PCTP: variants seen among roughly 807,000 people sequenced by gnomAD.
The protein encoded by PCTP is START domain-containing protein 2.
A neutral mutation model predicts 31.0 loss-of-function variants in PCTP; 27 were observed. That is an observed-to-expected ratio of 0.87 (90% CI 0.64 to 1.20). PCTP has a LOEUF of 1.20. Among genes scored for constraint, PCTP ranks in the 50% most tolerant of loss-of-function variants. The probability of loss-of-function intolerance (pLI) is 0.00; values close to 1 mark genes in which losing one functional copy is unlikely to be tolerated. For missense variants in PCTP, 287 were observed against 268.2 expected, an observed-to-expected ratio of 1.07 and a Z score of -0.49; for synonymous variants, 108 against 101.2, an observed-to-expected ratio of 1.07 and a Z score of -0.40.
At chr17:55,824,142 T>C (rs1032364199), downstream of PCTP, among the ~76,000 whole-genome samples, 6 of 152,290 alleles carry the variant, frequency 3.9e-5, no homozygotes, top group African/African-American at 1.4e-4. Flanking sequence ...TGTTCTCTTT[T>C]TAATCCAACC....
chr17:55,847,298 GACCAGTC>G (rs1425299487), downstream of PCTP, among the ~76,000 whole-genome samples: 5 of 152,298 alleles, frequency 3.3e-5, no homozygotes, highest in African/African-American at 9.6e-5. Flanking sequence ...AATCTGACAT[GACCAGTC>G]ACCTGATGTG....
At chr17:55,792,569 T>G (rs1413518019) in intron 3 of PCTP, among the ~76,000 whole-genome samples, 4 of 152,102 alleles carry the variant, frequency 2.6e-5, no homozygotes. Context: ...CTATCCCTAG[T>G]GTATGGGACT....
chr17:55,824,247 G>A (rs1053913678), downstream of PCTP, among the ~76,000 whole-genome samples: 6 of 151,944 alleles, frequency 3.9e-5, no homozygotes, highest in East Asian at 1.9e-4. Flanking sequence ...AAAGACCTCC[G>A]AGAGTGTACC....
downstream of PCTP, among the ~76,000 whole-genome samples, chr17:55,779,820 G>A (rs1911495150): frequency 6.6e-6 from 1 of 152,100 alleles, no homozygotes; most frequent in African/African-American, 2.4e-5. Flanking sequence ...CTTAAATCAA[G>A]TTTCCAAAGT....
Position 55,776,331 on chromosome 17 carries a change from T to TC in PCTP, c.*237dup, listed in dbSNP as rs1321267478. The TC allele has an allele frequency of 1.5e-6, 2 of 1,354,374 alleles. No homozygotes were observed. The highest frequency in any genetic ancestry group is 1.9e-6 in the Non-Finnish European group (2 of 1,057,348). 83.9% of individuals were successfully genotyped at this position (1,354,374 alleles called of 1,614,324 possible). A position where few individuals can be genotyped will look rare whatever the true frequency, so the allele number is the denominator to read the frequency against. Reference sequence around the variant, plus strand: ...CTCACTCGTCTGCTTCCTTTCTCGCTCCCCCCATCCTGGGCTGGGCTGCCT... The same window carrying TC: ...CTCACTCGTCTGCTTCCTTTCTCGCTCCCCCCCATCCTGGGCTGGGCTGCCT... On this transcript the variant is annotated 3_prime_UTR_variant, in exon 6 of 6. Coordinates refer to ENST00000268896, the MANE Select transcript of PCTP (RefSeq NM_021213.4).
intron 1 of PCTP, among the ~76,000 whole-genome samples, chr17:55,759,365 G>T (rs1203985723): frequency 6.6e-6 from 1 of 152,180 alleles, no homozygotes; most frequent in Non-Finnish European, 1.5e-5. Context: ...TGAAGGATTA[G>T]ACCTATCACA....
At chr17:55,781,212 T>C, downstream of PCTP, among the ~76,000 whole-genome samples, 1 of 152,234 alleles carries the variant, frequency 6.6e-6, no homozygotes, top group Admixed American at 6.5e-5. Context: ...GATCAATAAA[T>C]GTTGGCTGTT....
chr17:55,830,558 A>G (rs1344428832), intron 5 of PCTP, among the ~76,000 whole-genome samples: 1 of 152,226 alleles, frequency 6.6e-6, no homozygotes, highest in Non-Finnish European at 1.5e-5. Flanking sequence ...GACAGGAAAA[A>G]TAACATCGTT....
intron 3 of PCTP, among the ~76,000 whole-genome samples, chr17:55,792,471 A>G (rs1420995635): frequency 6.6e-6 from 1 of 151,920 alleles, no homozygotes; most frequent in Non-Finnish European, 1.5e-5. Context: ...CCACAGAAAA[A>G]TAAAATAAAA....
chr17:55,770,998 G>A (rs576735934), intron 2 of PCTP, 108 bp from the exon 3 acceptor site: 4 of 788,056 alleles, frequency 5.1e-6, no homozygotes, highest in Non-Finnish European at 8.7e-6. Context: ...CTCAAAAAGT[G>A]CTGGGATTAC....
intron 3 of PCTP, among the ~76,000 whole-genome samples, chr17:55,822,106 G>T (rs1434665802): frequency 6.6e-6 from 1 of 152,200 alleles, no homozygotes; most frequent in African/African-American, 2.4e-5. Context: ...TCCTGTTACT[G>T]TTGGCTCTGT....
At chr17:55,842,494 C>A (rs1420963324) in intron 5 of PCTP, among the ~76,000 whole-genome samples, 1 of 152,154 alleles carries the variant, frequency 6.6e-6, no homozygotes, top group South Asian at 2.1e-4. Context: ...CAGAAAGAGA[C>A]TGCAAAGAGC....
At chr17:55,817,867 A>G (rs1354224437) in intron 3 of PCTP, among the ~76,000 whole-genome samples, 2 of 152,212 alleles carry the variant, frequency 1.3e-5, no homozygotes, top group Non-Finnish European at 2.9e-5. Context: ...TCAAGAAACC[A>G]TGGCTAAGAA....
At chr17:55,751,641 G>A (rs1909723099) in intron 1 of PCTP, among the ~76,000 whole-genome samples, 1 of 152,188 alleles carries the variant, frequency 6.6e-6, no homozygotes. Flanking sequence ...GTATCTTAGG[G>A]CTTGGATATA....
Position 55,767,370 on chromosome 17 carries a change from T to C in PCTP, c.177T>C (p.Val59=), listed in dbSNP as rs771203042. ...TTTATGAGTATAAAGTCTTTGGTGTTCTGGAGGACTGCTCACCAACTCTAC... is the reference window on the plus strand; with the variant it reads ...TTTATGAGTATAAAGTCTTTGGTGTCCTGGAGGACTGCTCACCAACTCTAC... ...TGLYEYKVFG[V]LEDCSPTLLA... Residue 59 remains valine, a synonymous_variant, in exon 2 of 6, where the codon GTT becomes GTC. Transcript: ENST00000268896. 6.2e-7 allele frequency: 1 copy of C among 1,613,264 alleles called. No homozygotes were observed. Among genetic ancestry groups the C allele is most frequent in the Non-Finnish European group, 8.5e-7 (1 of 1,179,266 alleles).
the PCTP span, among the ~76,000 whole-genome samples, chr17:55,849,624 A>T: frequency 5.9e-5 from 9 of 152,212 alleles, no homozygotes; most frequent in African/African-American, 2.2e-4. Flanking sequence ...ACTCTGTCTC[A>T]AAATTAAATA....
intron 5 of PCTP, among the ~76,000 whole-genome samples, chr17:55,829,249 C>T (rs1367488074): frequency 1.3e-5 from 2 of 151,992 alleles, no homozygotes; most frequent in South Asian, 2.1e-4. Flanking sequence ...TACACTTCAC[C>T]TAGTGAATCA....
At chr17:55,759,921 A>G (rs539905016) in intron 1 of PCTP, among the ~76,000 whole-genome samples, 56 of 152,360 alleles carry the variant, frequency 3.7e-4, no homozygotes, top group East Asian at 5.8e-4. Flanking sequence ...TTTGGGACAA[A>G]TAAGTGTACT....
intron 3 of PCTP, among the ~76,000 whole-genome samples, chr17:55,801,069 C>G (rs983246361): frequency 6.6e-6 from 1 of 152,162 alleles, no homozygotes; most frequent in Admixed American, 6.5e-5. Context: ...TTGACCCCTG[C>G]TGGGAGGTGT....
Sources: allele counts gnomAD v4.1 joint callset (sites outside exome capture counted in the v4.1 genomes callset), GRCh38; gene constraint gnomAD v4.1.1; transcripts MANE v1.5; gene names NCBI Gene and HGNC (gene_info 2026-07-23, HGNC 2026-07-21).